Variants in EPHA5 observed in about 807,000 individuals in gnomAD.
EPHA5 encodes the protein EPH receptor A5, also known as ephrin type-A receptor 5.
Under a neutral mutation model 105.0 loss-of-function variants are expected in EPHA5, and 60 were observed. That is an observed-to-expected ratio of 0.57 (90% CI 0.46 to 0.71). The LOEUF is 0.71. Ranked by LOEUF, EPHA5 falls within the 30% of genes least tolerant of loss-of-function variation. EPHA5 has a pLI of 0.00. For missense variants in EPHA5, 1,218 were observed against 1,274.7 expected (o/e 0.96, Z 0.68); for synonymous variants, 513 against 449.1 (o/e 1.14, Z -1.80).
chr4:65,619,551 C>A (rs1285534490), intron 2 of EPHA5, among the ~76,000 whole-genome samples: 1 of 152,016 alleles, frequency 6.6e-6, no homozygotes, highest in Non-Finnish European at 1.5e-5. Context: ...TTGATTTATG[C>A]AGCATGGTTT....
At chr4:65,329,282 A>G (rs531771081) in intron 16 of EPHA5, among the ~76,000 whole-genome samples, 24 of 151,470 alleles carry the variant, frequency 1.6e-4, no homozygotes, top group Admixed American at 9.9e-4. Flanking sequence ...AAACACATCT[A>G]AGATTGAAAG....
chr4:65,597,552 G>C (rs1380429334), intron 3 of EPHA5, among the ~76,000 whole-genome samples: 1 of 151,636 alleles, frequency 6.6e-6, no homozygotes, highest in Non-Finnish European at 1.5e-5. Context: ...AAACATACTT[G>C]GATAAATGGA....
intron 8 of EPHA5, among the ~76,000 whole-genome samples, chr4:65,395,735 G>A (rs1421286080): frequency 9.9e-5 from 15 of 152,234 alleles, no homozygotes; most frequent in Non-Finnish European, 7.3e-5. Context: ...CAATCAAAGA[G>A]AAGACTGGTT....
chr4:65,540,433 T>C (rs1404704898), intron 3 of EPHA5, among the ~76,000 whole-genome samples: 1 of 151,408 alleles, frequency 6.6e-6, no homozygotes, highest in Non-Finnish European at 1.5e-5. Context: ...CCCTTAAGTT[T>C]GGTGCTCAGA....
chr4:65,577,479 C>A (rs969085200), intron 3 of EPHA5, among the ~76,000 whole-genome samples: 2 of 151,994 alleles, frequency 1.3e-5, no homozygotes, highest in Non-Finnish European at 2.9e-5. Context: ...TAAGTTACTA[C>A]GCATTTGTTG....
At chr4:65,389,354 C>T (rs4860658) in intron 8 of EPHA5, among the ~76,000 whole-genome samples, 45,776 of 151,836 alleles carry the variant, frequency 0.3, 8,202 homozygotes, top group East Asian at 0.54. Context: ...ATAAAAAGTA[C>T]TTGACTTCAT....
At chr4:65,384,071 G>A (rs1182521676) in intron 8 of EPHA5, among the ~76,000 whole-genome samples, 1 of 151,852 alleles carries the variant, frequency 6.6e-6, no homozygotes, top group Non-Finnish European at 1.5e-5. Flanking sequence ...GAGTCAGGAA[G>A]GAATAGAAGA....
intron 1 of EPHA5, among the ~76,000 whole-genome samples, chr4:65,656,835 C>G (rs1411634789): frequency 1.3e-5 from 2 of 151,008 alleles, no homozygotes; most frequent in African/African-American, 4.8e-5. Context: ...TTTTAACCCT[C>G]CCATCTAGAG....
chr4:65,497,117 C>T (rs754151270), intron 3 of EPHA5, among the ~76,000 whole-genome samples: 2 of 152,084 alleles, frequency 1.3e-5, no homozygotes, highest in African/African-American at 2.4e-5. Context: ...TTAAATAAAG[C>T]TAATCAACTA....
intron 3 of EPHA5, among the ~76,000 whole-genome samples, chr4:65,550,706 C>T (rs372450858): frequency 6.6e-6 from 1 of 151,916 alleles, no homozygotes; most frequent in Non-Finnish European, 1.5e-5. Flanking sequence ...CATGGTGGCG[C>T]GCGCCTATAG....
At chr4:65,426,835 T>C (rs1271578520) in intron 5 of EPHA5, among the ~76,000 whole-genome samples, 1 of 152,170 alleles carries the variant, frequency 6.6e-6, no homozygotes, top group Non-Finnish European at 1.5e-5. Flanking sequence ...CAAAGCAATA[T>C]ATTTTTTATT....
At chr4:65,403,097 A>T (rs2148986859) in intron 8 of EPHA5, among the ~76,000 whole-genome samples, 1 of 152,326 alleles carries the variant, frequency 6.6e-6, no homozygotes, top group South Asian at 2.1e-4. Context: ...ATATATTCTT[A>T]AGAAAACTTC....
intron 16 of EPHA5, among the ~76,000 whole-genome samples, chr4:65,324,883 A>AT (rs143851713): frequency 0.082 from 12,350 of 150,354 alleles, 605 homozygotes; most frequent in Non-Finnish European, 0.11. Flanking sequence ...ACTTCTGTGC[A>AT]TTTTTTTCAA....
At chr4:65,335,341 TA>T (rs940175077) in intron 15 of EPHA5, among the ~76,000 whole-genome samples, 1 of 151,942 alleles carries the variant, frequency 6.6e-6, no homozygotes, top group African/African-American at 2.4e-5. Context: ...TTCAGAAAAG[TA>T]AAAAATATGC....
At chr4:65,345,453 G>A (rs1205076279) in intron 14 of EPHA5, among the ~76,000 whole-genome samples, 1 of 152,228 alleles carries the variant, frequency 6.6e-6, no homozygotes, top group African/African-American at 2.4e-5. Flanking sequence ...GCTGGCTGGA[G>A]CAGCCTGCAA....
chr4:65,631,724 AACT>A (rs202089629), intron 2 of EPHA5, among the ~76,000 whole-genome samples: 34,102 of 144,202 alleles, frequency 0.24, 4,784 homozygotes, highest in Middle Eastern at 0.4. Context: ...TGTACCCTAA[AACT>A]TAAAGTATAA....
At chr4:65,626,445 T>C (rs1475431629) in intron 2 of EPHA5, among the ~76,000 whole-genome samples, 5 of 152,206 alleles carry the variant, frequency 3.3e-5, no homozygotes, top group Non-Finnish European at 5.9e-5. Flanking sequence ...TAATTTAAAT[T>C]CAGAGTTCAA....
chr4:65,424,697 G>A (rs773096827), intron 5 of EPHA5, among the ~76,000 whole-genome samples: 5 of 151,902 alleles, frequency 3.3e-5, no homozygotes, highest in Admixed American at 6.6e-5. Flanking sequence ...TAAAATGCTC[G>A]ATGAGATCCA....
chr4:65,530,858 T>C (rs1309852345), intron 3 of EPHA5, among the ~76,000 whole-genome samples: 2 of 152,164 alleles, frequency 1.3e-5, no homozygotes, highest in Non-Finnish European at 2.9e-5. Context: ...TAACAGTGTG[T>C]CCAACAATAA....
Sources: allele counts gnomAD v4.1 joint callset (sites outside exome capture counted in the v4.1 genomes callset), GRCh38; gene constraint gnomAD v4.1.1; transcripts MANE v1.5; gene names NCBI Gene and HGNC (gene_info 2026-07-23, HGNC 2026-07-21).